SOD2: variants seen among roughly 807,000 people sequenced by gnomAD.
The protein encoded by SOD2 is superoxide dismutase [Mn], mitochondrial.
Under a neutral mutation model 27.0 loss-of-function variants are expected in SOD2, and 11 were observed. That is an observed-to-expected ratio of 0.41 (90% CI 0.26 to 0.67). The LOEUF (loss-of-function observed/expected upper bound fraction) is 0.67. Ranked by LOEUF, SOD2 falls within the 30% of genes least tolerant of loss-of-function variation. The pLI is 0.34. For missense variants in SOD2, 250 were observed against 274.5 expected (o/e 0.91, Z 0.63); for synonymous variants, 105 against 103.0 (o/e 1.02, Z -0.12).
exon 1 of SOD2, chr6:159,761,546 G>A (rs1355849926): frequency 4.4e-6 from 2 of 456,354 alleles, no homozygotes; most frequent in Non-Finnish European, 8.8e-6. Flanking sequence ...CGAAGCCGCC[G>A]AGAGCAAAAG....
chr6:159,740,394 C>A (rs1038280240), intron 1 of SOD2, among the ~76,000 whole-genome samples: 1 of 152,092 alleles, frequency 6.6e-6, no homozygotes, highest in Admixed American at 6.6e-5. Flanking sequence ...GACTTTTAGG[C>A]GAGTTTTTTC....
intron 1 of SOD2, among the ~76,000 whole-genome samples, chr6:159,700,949 G>A (rs1033372014): frequency 6.6e-5 from 10 of 151,592 alleles, no homozygotes; most frequent in Admixed American, 5.9e-4. Flanking sequence ...TAGGATCTCG[G>A]CTTTTAGACT....
At chr6:159,748,264 C>T (rs771975668), upstream of SOD2, 14 of 1,613,820 alleles carry the variant, frequency 8.7e-6, no homozygotes, top group African/African-American at 2.7e-5. This position sits in a 1 kb window ranked among gnomAD's most constrained non-coding sequence, Gnocchi z 5.6. Flanking sequence ...GTAGACCCAG[C>T]GATCAACTTG....
intron 1 of SOD2, chr6:159,714,043 G>A: frequency 1.6e-6 from 1 of 643,730 alleles, no homozygotes; most frequent in Non-Finnish European, 2.8e-6. Flanking sequence ...TTGGTGTAGT[G>A]GGCAATTATC....
intron 2 of SOD2, among the ~76,000 whole-genome samples, chr6:159,689,916 C>T (rs1189472614): frequency 2.0e-5 from 3 of 148,226 alleles, no homozygotes; most frequent in South Asian, 2.1e-4. Flanking sequence ...ACCAAGAACA[C>T]GCCACTGCAC....
intron 1 of SOD2, among the ~76,000 whole-genome samples, chr6:159,717,427 T>C (rs896657988): frequency 6.6e-6 from 1 of 152,222 alleles, no homozygotes; most frequent in African/African-American, 2.4e-5. Context: ...AAAATTATTA[T>C]TTTTATTTGA....
At chr6:159,692,508 G>A (rs1215674878) in intron 2 of SOD2, 153 bp downstream of exon 2, 8 of 1,466,038 alleles carry the variant, frequency 5.5e-6, no homozygotes, top group Non-Finnish European at 7.2e-6. Flanking sequence ...TAGACCATGT[G>A]TTTAAAAGAG....
chr6:159,748,641 C>A (rs1779707450), upstream of SOD2: 103 of 1,287,330 alleles, frequency 8.0e-5, no homozygotes, highest in Non-Finnish European at 1.0e-4. This position sits in a 1 kb window ranked among gnomAD's most constrained non-coding sequence, Gnocchi z 5.6. Flanking sequence ...CCGAAAAATT[C>A]CCCTTCTAGA....
At chr6:159,713,826 C>G in intron 1 of SOD2, 1 of 1,093,388 alleles carries the variant, frequency 9.1e-7, no homozygotes, top group South Asian at 1.3e-5. Flanking sequence ...ACAAATGCTT[C>G]ACCACTTGGT....
rs750824805 is a variant in SOD2 at position 159,674,202 on chromosome 6, T to A, written c.*8291A>T. 1 of 152,216 alleles carries A rather than the reference T, an allele frequency of 6.6e-6. No individual in the cohort carries two copies. The highest frequency in any genetic ancestry group is 1.9e-4 in the East Asian group (1 of 5,194). 9.4% of individuals were successfully genotyped at this position (152,216 alleles called of 1,614,324 possible). On this transcript the variant is annotated 3_prime_UTR_variant, in exon 5 of 5. Transcript: ENST00000538183. The stretch of plus-strand genomic sequence containing the variant: ...GCTGGTACCATTCCTTCTGAAACTA[T>A]TCCAATCAATAGAAAAAGAGGGAAT...
rs1461082464 is a variant in SOD2, at chr6:159,671,223, T to A, written c.*11270A>T. ...ATCTCTGCAGACTTCAATGTCCCTG[T>A]CTGACAGCTTTGAAGAGACCAGTGG... On this transcript the variant is annotated 3_prime_UTR_variant, in exon 5 of 5. Coordinates refer to ENST00000538183, the MANE Select transcript of SOD2 (RefSeq NM_000636.4). 1 of 152,390 alleles carries A rather than the reference T, an allele frequency of 6.6e-6. No homozygotes were observed. The highest frequency in any genetic ancestry group is 1.5e-5 in the Non-Finnish European group (1 of 68,166). 9.4% of individuals were successfully genotyped at this position (152,390 alleles called of 1,614,324 possible). A position where few individuals can be genotyped will look rare whatever the true frequency, so the allele number is the denominator to read the frequency against.
intron 1 of SOD2, among the ~76,000 whole-genome samples, chr6:159,710,126 AG>A (rs1417439721): frequency 1.3e-3 from 52 of 39,572 alleles, no homozygotes; most frequent in Non-Finnish European, 2.0e-3. Context: ...GGGTGGGGGG[AG>A]GGGGGCGGGA....
chr6:159,741,671 G>A (rs1382823118), intron 1 of SOD2: 1 of 162,206 alleles, frequency 6.2e-6, no homozygotes, highest in Non-Finnish European at 1.3e-5. Flanking sequence ...AAGGAATAAT[G>A]AGGGACTATT....
chr6:159,699,983 G>A (rs1229959034), intron 1 of SOD2, among the ~76,000 whole-genome samples: 1 of 152,130 alleles, frequency 6.6e-6, no homozygotes, highest in Non-Finnish European at 1.5e-5. Context: ...ATCCATCTTG[G>A]CCTGCATCAC....
At chr6:159,683,209 C>T (rs1407527332) in intron 4 of SOD2, among the ~76,000 whole-genome samples, 3 of 152,192 alleles carry the variant, frequency 2.0e-5, no homozygotes, top group Admixed American at 6.5e-5. Flanking sequence ...TTGGTCTGGG[C>T]GCAGTGGCTC....
upstream of SOD2, among the ~76,000 whole-genome samples, chr6:159,727,950 G>A (rs140181088): frequency 2.2e-3 from 333 of 152,342 alleles, 9 homozygotes; most frequent in South Asian, 0.032. Flanking sequence ...TCTGGCGGCC[G>A]GAGAGACCGG....
At position 159,751,993 on chromosome 6, in the gene SOD2, G is replaced by A. The variant is rs556052569; in HGVS notation, c.-335-3317C>T. On this transcript the variant is annotated intron_variant, in intron 1 of 7. Transcript: ENST00000546087. The stretch of plus-strand genomic sequence containing the variant: ...GGGAGGATCACCTGAGCCTGGGGAC[G>A]TCAAGGCTCCAGTGAGCTGAGATCA... 2.5e-3 allele frequency among the ~76,000 whole-genome samples: 385 copies of A among 151,064 alleles called. 2 individuals are homozygous for A. The highest frequency in any genetic ancestry group is 7.9e-3 in the African/African-American group (326 of 41,116).
intron 3 of SOD2, 25 bp from the exon 4 acceptor site, chr6:159,685,058 AC>A: frequency 1.3e-6 from 2 of 1,541,530 alleles, no homozygotes; most frequent in Non-Finnish European, 1.8e-6. Flanking sequence ...ATCCAAAACC[AC>A]CCACAAATGA....
At chr6:159,719,213 T>C (rs923862868) in intron 1 of SOD2, among the ~76,000 whole-genome samples, 1 of 152,092 alleles carries the variant, frequency 6.6e-6, no homozygotes, top group Admixed American at 6.6e-5. Context: ...TCTCTTTTCC[T>C]GTTTTCACCA....
Sources: allele counts gnomAD v4.1 joint callset (sites outside exome capture counted in the v4.1 genomes callset), GRCh38; gene constraint gnomAD v4.1.1; non-coding constraint Gnocchi (gnomAD v3.1); transcripts MANE v1.5; gene names NCBI Gene and HGNC (gene_info 2026-07-23, HGNC 2026-07-21).